The following PPP4R3B variants were observed in gnomAD, a reference collection of about 807,000 sequenced individuals.
PPP4R3B encodes serine/threonine-protein phosphatase 4 regulatory subunit 3B.
In PPP4R3B, 52 loss-of-function variants were observed where a neutral mutation model predicts 95.4. That is an observed-to-expected ratio of 0.54 (90% CI 0.44 to 0.69). PPP4R3B has a LOEUF of 0.69. Among genes scored for constraint, PPP4R3B ranks in the 30% least tolerant of loss-of-function variants. The probability of loss-of-function intolerance (pLI) is 0.00; values close to 1 mark genes in which losing one functional copy is unlikely to be tolerated. For missense variants in PPP4R3B, 1,003 were observed against 1,005.9 expected, an observed-to-expected ratio of 1.00 and a Z score of 0.04; for synonymous variants, 407 against 343.9, an observed-to-expected ratio of 1.18 and a Z score of -2.03.
At chr2:55,615,185 G>A in intron 2 of PPP4R3B, 1 of 376,546 alleles carries the variant, frequency 2.7e-6, no homozygotes, top group South Asian at 2.8e-5. Context: ...ACAAGGTATA[G>A]AAGAGACTTG....
chr2:55,585,527 A>T (rs564844586), intron 6 of PPP4R3B, among the ~76,000 whole-genome samples: 147 of 152,274 alleles, frequency 9.7e-4, no homozygotes, highest in Non-Finnish European at 1.7e-3. Flanking sequence ...CCTAGCTAAG[A>T]CTTCAAAGTC....
At chr2:55,568,116 G>C (rs936438057) in intron 13 of PPP4R3B, 78 bp downstream of exon 13, 1 of 986,172 alleles carries the variant, frequency 1.0e-6, no homozygotes, top group Admixed American at 3.9e-5. Flanking sequence ...AAGTCACTTT[G>C]CTTACATGTA....
Position 55,617,126 on chromosome 2 carries a change from C to G in PPP4R3B, c.142+18G>C, listed in dbSNP as rs751261865. 6.2e-7 allele frequency: 1 copy of G among 1,604,334 alleles called. No individual in the cohort carries two copies. Among genetic ancestry groups the G allele is most frequent in the Non-Finnish European group, 8.5e-7 (1 of 1,175,540 alleles). On this transcript the variant is annotated intron_variant, in intron 1 of 16. Transcript: ENST00000616407. ...ACCAGAGGCACTATCCCCTATTCTA[C>G]AGTTCCGATAACCTTACCGTCGGAC...
intron 3 of PPP4R3B, among the ~76,000 whole-genome samples, chr2:55,601,384 CTT>C (rs942809837): frequency 3.6e-4 from 51 of 141,998 alleles, no homozygotes; most frequent in African/African-American, 8.5e-4. Context: ...CTGTCTTTTT[CTT>C]TTTTTTTTTT....
At chr2:55,604,185 GAT>G (rs1424062181) in intron 2 of PPP4R3B, 109 bp from the exon 3 acceptor site, 1 of 664,490 alleles carries the variant, frequency 1.5e-6, no homozygotes, top group Non-Finnish European at 2.4e-6. Flanking sequence ...CAAATGCCCC[GAT>G]ATGAGTAATC....
intron 12 of PPP4R3B, among the ~76,000 whole-genome samples, chr2:55,573,091 T>C (rs1159623906): frequency 2.0e-5 from 3 of 152,138 alleles, no homozygotes; most frequent in Admixed American, 2.0e-4. Flanking sequence ...TCCATAAAAA[T>C]AAAGATTAGG....
intron 11 of PPP4R3B, 74 bp from the exon 12 acceptor site, chr2:55,573,851 T>C: frequency 3.7e-6 from 3 of 804,052 alleles, no homozygotes; most frequent in South Asian, 2.3e-5. Context: ...GCTTACATCC[T>C]ATATGTTATA....
chr2:55,617,560 G>A lies in PPP4R3B; in HGVS notation c.-275C>T, dbSNP rs1253839906. On this transcript the variant is annotated 5_prime_UTR_variant, in exon 1 of 17. Transcript: ENST00000616407. ...CCCCCCAGGGCTCGCTTGCTCTCCC[G>A]CCGCCGCGGTAACTACTACAGATCC... The A allele has an allele frequency of 1.1e-5, 4 of 363,658 alleles. No homozygotes were observed. In the Admixed American group the frequency reaches 1.3e-4, roughly 12 times the overall value. The allele number at this position is 363,658 out of a possible 1,614,324, so 22.5% of individuals were successfully genotyped here.
At chr2:55,571,135 C>G (rs942973539) in intron 12 of PPP4R3B, among the ~76,000 whole-genome samples, 9 of 151,894 alleles carry the variant, frequency 5.9e-5, no homozygotes, top group Non-Finnish European at 7.4e-5. Flanking sequence ...ATGGTGAAAC[C>G]CCATCTCTAC....
intron 4 of PPP4R3B, among the ~76,000 whole-genome samples, chr2:55,593,625 G>A (rs944024240): frequency 2.6e-5 from 4 of 152,148 alleles, no homozygotes; most frequent in African/African-American, 4.8e-5. Context: ...CCACTGTAGG[G>A]CCAGGTGTGG....
At chr2:55,592,928 A>G (rs1430569447) in intron 4 of PPP4R3B, among the ~76,000 whole-genome samples, 2 of 152,146 alleles carry the variant, frequency 1.3e-5, no homozygotes, top group Admixed American at 6.5e-5. Context: ...TGGTAGGCTG[A>G]GGCGGGTGGA....
rs200403131 is a variant in PPP4R3B, at chr2:55,585,177, G to A, written c.1117-10C>T. The A allele has an allele frequency of 1.3e-6, 2 of 1,570,482 alleles. No homozygotes were observed. Among genetic ancestry groups the A allele is most frequent in the African/African-American group, 1.4e-5 (1 of 73,076 alleles). Reference sequence around the variant, plus strand: ...GCAAATCATCCATGCCCTGATAAAAGGAAAATTAGGTTACTTAGAGACTGT... The same window carrying A: ...GCAAATCATCCATGCCCTGATAAAAAGAAAATTAGGTTACTTAGAGACTGT... On this transcript the variant is annotated splice_polypyrimidine_tract_variant and intron_variant, in intron 6 of 16. Coordinates refer to ENST00000616407, the MANE Select transcript of PPP4R3B (RefSeq NM_001122964.3).
chr2:55,577,869 A>G (rs1237157221), intron 10 of PPP4R3B, among the ~76,000 whole-genome samples: 1 of 152,102 alleles, frequency 6.6e-6, no homozygotes, highest in Non-Finnish European at 1.5e-5. Context: ...ATTTCTAGGA[A>G]TACATTCTAG....
At chr2:55,571,589 T>A (rs147376806) in intron 12 of PPP4R3B, among the ~76,000 whole-genome samples, 7 of 152,274 alleles carry the variant, frequency 4.6e-5, no homozygotes, top group Admixed American at 3.9e-4. Flanking sequence ...AGAGACACTA[T>A]AATGCCTGGC....
chr2:55,586,020 A>G (rs1371718899), intron 6 of PPP4R3B, among the ~76,000 whole-genome samples: 1 of 152,160 alleles, frequency 6.6e-6, no homozygotes, highest in African/African-American at 2.4e-5. Flanking sequence ...AAGGTACTAA[A>G]GGGATTAGCA....
At chr2:55,561,825 G>A (rs1041269837) in intron 15 of PPP4R3B, among the ~76,000 whole-genome samples, 1 of 152,178 alleles carries the variant, frequency 6.6e-6, no homozygotes, top group Non-Finnish European at 1.5e-5. Context: ...TATTTTATAG[G>A]ATCACAGGCA....
Position 55,547,304 on chromosome 2 carries a change from A to C in PPP4R3B, c.*2607T>G, listed in dbSNP as rs2103686067. ...TAAAACACAGAAATCTGTTTCATGT[A>C]ACTTTTTATTAAAAATAGTTTTTAT... is the stretch of plus-strand genomic sequence containing the variant. On this transcript the variant is annotated 3_prime_UTR_variant, in exon 17 of 17. Coordinates refer to ENST00000616407, the MANE Select transcript of PPP4R3B (RefSeq NM_001122964.3). 1 of 152,368 alleles carries C rather than the reference A, an allele frequency of 6.6e-6. No individual in the cohort carries two copies. Among genetic ancestry groups the C allele is most frequent in the Non-Finnish European group, 1.5e-5 (1 of 68,040 alleles). The allele number at this position is 152,368 out of a possible 1,614,324, so 9.4% of individuals were successfully genotyped here.
rs1271243528 is a variant in PPP4R3B, at chr2:55,558,967, T to A, written c.2262A>T (p.Ala754=). 1 of 1,602,298 alleles carries A rather than the reference T, an allele frequency of 6.2e-7. No individual in the cohort carries two copies. Among genetic ancestry groups the A allele is most frequent in the East Asian group, 2.2e-5 (1 of 44,734 alleles). Residue 754 remains alanine, a splice_region_variant and synonymous_variant, in exon 16 of 17, where the codon GCA becomes GCT. Transcript: ENST00000616407. ...GGTTTTCCTTGTCTTCACTTTCTTT[T>A]GCTAAAGCAAAAGTAAAATTTTGAA... ...NYEKFMETKK[A]KESEDKENLP... is the part of the protein sequence containing the mutation.
At position 55,558,820 on chromosome 2, in the gene PPP4R3B, G is replaced by A. The variant is rs750406044; in HGVS notation, c.2409C>T (p.Ser803=). 2 of 1,612,842 alleles carry A rather than the reference G, an allele frequency of 1.2e-6. No individual in the cohort carries two copies. The highest frequency in any genetic ancestry group is 2.2e-5 in the South Asian group (2 of 90,926). The change falls in exon 16 of 17, where the codon TCC becomes TCT. Residue 803 remains serine, a synonymous_variant. Coordinates refer to ENST00000616407, the MANE Select transcript of PPP4R3B (RefSeq NM_001122964.3). The part of the protein sequence containing the change: ...AQIPPATSNG[S]SSKTTNLPTS... ...TAGGCAAGTTTGTGGTTTTGGAAGA[G>A]GATCCATTAGAAGTTGCTGGTGGTA... is the stretch of plus-strand genomic sequence containing the variant.
Sources: gnomAD v4.1 joint callset for allele counts (sites outside exome capture counted in the v4.1 genomes callset) on GRCh38, gnomAD v4.1.1 for gene constraint, MANE v1.5 for transcripts, NCBI Gene and HGNC (gene_info 2026-07-23, HGNC 2026-07-21) for gene names.